The following EIF1B variants were observed in gnomAD, a reference collection of about 807,000 sequenced individuals.
The protein encoded by EIF1B is protein translation factor SUI1 homolog GC20.
A neutral mutation model predicts 14.8 loss-of-function variants in EIF1B; 5 were observed. The ratio of observed to expected loss-of-function variants is 0.34; its 90% CI spans 0.18 to 0.71. The LOEUF (loss-of-function observed/expected upper bound fraction) is 0.71, where lower values mean the gene tolerates loss of function less well. Among genes scored for constraint, EIF1B ranks in the 30% least tolerant of loss-of-function variants. The pLI is 0.64. For synonymous variants in EIF1B, 45 were observed against 45.8 expected (o/e 0.98, Z 0.07); for missense variants, 56 against 134.0 (o/e 0.42, Z 2.87).
intron 3 of EIF1B, 98 bp from the exon 4 acceptor site, chr3:40,311,872 C>CT: frequency 1.1e-6 from 1 of 938,254 alleles, no homozygotes; most frequent in African/African-American, 1.6e-5. Context: ...TTGCAGTAAG[C>CT]TGTTGATAGT....
Position 40,312,179 on chromosome 3 carries a change from C to G in EIF1B, c.*165C>G, listed in dbSNP as rs1954333404. The G allele has an allele frequency of 6.8e-6, 4 of 586,930 alleles. No individual in the cohort carries two copies. In the South Asian group the frequency reaches 8.7e-5, roughly 13 times the overall value. 36.4% of individuals were successfully genotyped at this position (586,930 alleles called of 1,614,324 possible). A position where few individuals can be genotyped will look rare whatever the true frequency, so the allele number is the denominator to read the frequency against. On this transcript the variant is annotated 3_prime_UTR_variant, in exon 4 of 4. Transcript: ENST00000232905. ...TTACAGAAAACATGGGGTATGTAGA[C>G]TAGTAACACATAAGAAAATTGCAGT...
In EIF1B at chr3:40,312,284, C is replaced by G; in HGVS notation, c.*270C>G. 3.4e-6 allele frequency: 1 copy of G among 290,684 alleles called. No individual in the cohort carries two copies. Among genetic ancestry groups the G allele is most frequent in the East Asian group, 6.1e-5 (1 of 16,330 alleles). 18.0% of individuals were successfully genotyped at this position (290,684 alleles called of 1,614,324 possible). A position where few individuals can be genotyped will look rare whatever the true frequency, so the allele number is the denominator to read the frequency against. On this transcript the variant is annotated 3_prime_UTR_variant, in exon 4 of 4. Coordinates refer to ENST00000232905, the MANE Select transcript of EIF1B (RefSeq NM_005875.3). The stretch of plus-strand genomic sequence containing the variant: ...TGAGTGTTTATTGTTCAGTTTATTA[C>G]GTTTCACTTGATTAAATTTTTTTGT...
At position 40,311,043 on chromosome 3, in the gene EIF1B, A is replaced by C. The variant is rs1423269119; in HGVS notation, c.182A>C (p.Lys61Thr). ...GATTATGACAAAAAGAAACTTGTGA[A>C]AGCTTTCAAAAAGGTAAAGGGATTA... Reference protein sequence around the residue: ...ADDYDKKKLVKAFKKKFACNG... With the variant: ...ADDYDKKKLVTAFKKKFACNG... Residue 61 changes from lysine to threonine, a missense_variant, in exon 2 of 4, where the codon AAA becomes ACA. This residue lies in a region of EIF1B where 35 missense variants were observed against 82.9 expected (regional missense o/e 0.42). Transcript: ENST00000232905. The C allele has an allele frequency of 1.9e-6, 3 of 1,613,810 alleles. No homozygotes were observed. The highest frequency in any genetic ancestry group is 2.5e-6 in the Non-Finnish European group (3 of 1,179,938).
At chr3:40,310,834 T>C (rs1435501845) in intron 1 of EIF1B, 59 bp from the exon 2 acceptor site, 19 of 1,475,680 alleles carry the variant, frequency 1.3e-5, no homozygotes, top group Admixed American at 5.0e-5. Flanking sequence ...TTCTGGAAAG[T>C]ACTTCTTAAA....
At chr3:40,310,101 G>T (rs1954305633) in intron 1 of EIF1B, 129 bp downstream of exon 1, 2 of 1,325,728 alleles carry the variant, frequency 1.5e-6, no homozygotes, top group East Asian at 4.7e-5. Context: ...TTGTCTCGGC[G>T]CCCAGAAAAT....
intron 2 of EIF1B, 77 bp downstream of exon 2, chr3:40,311,133 C>A: frequency 7.2e-7 from 1 of 1,387,874 alleles, no homozygotes; most frequent in South Asian, 1.5e-5. Context: ...ACCTTTATAT[C>A]GGCGTGGATG....
chr3:40,311,833 A>G, intron 3 of EIF1B, 137 bp from the exon 4 acceptor site: 1 of 745,512 alleles, frequency 1.3e-6, no homozygotes, highest in South Asian at 1.6e-5. Context: ...ATTGTTGGCT[A>G]TCAGCAGTGC....
Sources: allele counts gnomAD v4.1 joint callset, GRCh38; gene constraint gnomAD v4.1.1; regional missense constraint gnomAD v4.1.1; transcripts MANE v1.5; gene names NCBI Gene and HGNC (gene_info 2026-07-23, HGNC 2026-07-21).